AHNAK2: variants seen among roughly 807,000 people sequenced by gnomAD.
AHNAK2 encodes AHNAK nucleoprotein 2.
In AHNAK2, 18 loss-of-function variants were observed where a neutral mutation model predicts 30.7. The ratio of observed to expected loss-of-function variants is 0.59; its 90% CI spans 0.41 to 0.87. The LOEUF is 0.87. Ranked by LOEUF, AHNAK2 falls within the 40% of genes least tolerant of loss-of-function variation. The probability of loss-of-function intolerance (pLI) is 0.00; values close to 1 mark genes in which losing one functional copy is unlikely to be tolerated. For missense variants in AHNAK2, 8,604 were observed against 7,373.0 expected (o/e 1.17, Z -6.11); for synonymous variants, 3,590 against 3,073.8 (o/e 1.17, Z -5.56).
chr14:104,968,143 C>A (rs1015280437), intron 1 of AHNAK2, among the ~76,000 whole-genome samples: 1 of 152,172 alleles, frequency 6.6e-6, no homozygotes, highest in African/African-American at 2.4e-5. Context: ...ACTCCCCGGG[C>A]CCCCCAGCGC....
In AHNAK2 at chr14:104,947,227, G is replaced by A. The variant is rs780461489; in HGVS notation, c.8224C>T (p.Pro2742Ser). Reference protein sequence around the residue: ...PKLQMPSFKMPEVDLKGPQID... With the variant: ...PKLQMPSFKMSEVDLKGPQID... ...TGGGGGCCCTTGAGGTCCACTTCAG[G>A]CATCTTGAAACTGGGCATCTGCAGC... The change falls in exon 7 of 7, where the codon CCT becomes TCT. Residue 2742 changes from proline to serine, a missense_variant. Transcript: ENST00000333244. 2.5e-6 allele frequency: 4 copies of A among 1,611,736 alleles called. No individual in the cohort carries two copies. The highest frequency in any genetic ancestry group is 3.4e-6 in the Non-Finnish European group (4 of 1,179,448).
At position 104,945,747 on chromosome 14, in the gene AHNAK2, T is replaced by C. The variant is rs368948918; in HGVS notation, c.9704A>G (p.Lys3235Arg). The change falls in exon 7 of 7, where the codon AAG becomes AGG. Residue 3235 changes from lysine (K) to arginine (R), a missense_variant. Lys to Arg is a conservative substitution (Grantham distance 26, BLOSUM62 2). Transcript: ENST00000333244. ...GCCCTTGCGATCTACTTTGGGCATC[T>C]TGAAACTGGGCATCTGCAACTTGGG... ...HLPKLQMPSF[K>R]MPKVDRKGPQ... 113 of 1,597,630 alleles carry C rather than the reference T, an allele frequency of 7.1e-5. 1 individual carries two copies. The highest frequency in any genetic ancestry group is 9.0e-5 in the Non-Finnish European group (105 of 1,170,692).
Position 104,947,885 on chromosome 14 carries a change from C to A in AHNAK2, c.7566G>T (p.Met2522Ile). The change falls in exon 7 of 7, where the codon ATG becomes ATT. Residue 2522 changes from methionine (M) to isoleucine (I), a missense_variant. Transcript: ENST00000333244. ...KVEADGSLSS[M>I]QGDLKATDLS... ...GGTCAGTGGCCTTGAGGTCCCCCTGCATGGAGGAGAGGCTCCCGTCGGCCT... is the reference window on the plus strand; with the variant it reads ...GGTCAGTGGCCTTGAGGTCCCCCTGAATGGAGGAGAGGCTCCCGTCGGCCT... The A allele has an allele frequency of 6.2e-7, 1 of 1,612,846 alleles. No homozygotes were observed. Among genetic ancestry groups the A allele is most frequent in the Non-Finnish European group, 8.5e-7 (1 of 1,179,616 alleles).
At chr14:104,955,306 T>C (rs935210243) in intron 5 of AHNAK2, 165 bp from the exon 6 acceptor site, 1 of 1,278,020 alleles carries the variant, frequency 7.8e-7, no homozygotes, top group Non-Finnish European at 1.1e-6. Context: ...GCAAGGTGGA[T>C]GGGGTCCCCC....
At position 104,944,633 on chromosome 14, in the gene AHNAK2, C is replaced by T; in HGVS notation, c.10818G>A (p.Val3606=). 2 of 1,613,316 alleles carry T rather than the reference C, an allele frequency of 1.2e-6. No homozygotes were observed. The highest frequency in any genetic ancestry group is 1.7e-6 in the Non-Finnish European group (2 of 1,179,710). ...GCTTGGCCTTCGGGGCCTGGACATCCACCTCCACGCTGGGCAGAGACACCT... is the reference window on the plus strand; with the variant it reads ...GCTTGGCCTTCGGGGCCTGGACATCTACCTCCACGCTGGGCAGAGACACCT... ...DVEVSLPSVE[V]DVQAPKAKLD... Residue 3606 remains valine (V), a synonymous_variant, in exon 7 of 7, where the codon GTG becomes GTA. Transcript: ENST00000333244.
At position 104,966,157 on chromosome 14, in the gene AHNAK2, G is replaced by A. The variant is rs1275202957; in HGVS notation, c.56-8485C>T. Among the ~76,000 whole-genome samples the A allele has an allele frequency of 1.3e-5, 2 of 152,168 alleles. No homozygotes were observed. Among genetic ancestry groups the A allele is most frequent in the Non-Finnish European group, 2.9e-5 (2 of 68,018 alleles). On this transcript the variant is annotated intron_variant, in intron 1 of 6. Coordinates refer to ENST00000333244, the MANE Select transcript of AHNAK2 (RefSeq NM_138420.4). The surrounding 1 kb of genome is among the most constrained non-coding windows in gnomAD (Gnocchi z 4.3). Reference sequence around the variant, plus strand: ...TCTCAAGCGAAGGAAGAGAAGGGCAGGAGGTGAGGGCAGGCAGGGCTGGGT... The same window carrying A: ...TCTCAAGCGAAGGAAGAGAAGGGCAAGAGGTGAGGGCAGGCAGGGCTGGGT...
chr14:104,943,738 C>T lies in AHNAK2; in HGVS notation c.11713G>A (p.Glu3905Lys), dbSNP rs774536072. 3.1e-6 allele frequency: 5 copies of T among 1,609,088 alleles called. No homozygotes were observed. Among genetic ancestry groups the T allele is most frequent in the South Asian group, 2.2e-5 (2 of 90,760 alleles). ...KMPKVDLKGP[E>K]IDIKGPKLDL... ...AGCTTGGGGCCCTTGATGTCTATTT[C>T]AGGGCCCTTGAGGTCGACTTTGGGC... Residue 3905 changes from glutamate (E) to lysine (K), a missense_variant, in exon 7 of 7, where the codon GAA (glutamate) becomes AAA (lysine). By Grantham distance (56) the Glu-to-Lys change is moderately conservative (BLOSUM62 1). Transcript: ENST00000333244.
Position 104,948,808 on chromosome 14 carries a change from C to T in AHNAK2, c.6643G>A (p.Gly2215Ser), listed in dbSNP as rs372279497. The change falls in exon 7 of 7, where the codon GGC becomes AGC. Residue 2215 changes from glycine (G) to serine (S), a missense_variant. By Grantham distance (56) the Gly-to-Ser change is moderately conservative. Coordinates refer to ENST00000333244, the MANE Select transcript of AHNAK2 (RefSeq NM_138420.4). ...PLSADVKVQA[G>S]QVDVKLLEGP... Reference sequence around the variant, plus strand: ...TCCAGGAGTTTCACGTCCACCTGGCCAGCCTGGACCTTCACGTCGGCGGAA... The same window carrying T: ...TCCAGGAGTTTCACGTCCACCTGGCTAGCCTGGACCTTCACGTCGGCGGAA... 1.9e-5 allele frequency: 30 copies of T among 1,612,480 alleles called. No homozygotes were observed. The African/African-American group carries it at 3.4e-4, about 18-fold the overall frequency.
At chr14:104,957,218 TC>T (rs753737123) in intron 3 of AHNAK2, among the ~76,000 whole-genome samples, 191 bp downstream of exon 3, 3 of 152,090 alleles carry the variant, frequency 2.0e-5, no homozygotes, top group Non-Finnish European at 4.4e-5. Flanking sequence ...GGCACCTCCA[TC>T]CCACTGTGCC....
In AHNAK2 at chr14:104,942,542, G is replaced by C; in HGVS notation, c.12909C>G (p.Phe4303Leu). The change falls in exon 7 of 7, where the codon TTC (phenylalanine) becomes TTG (leucine). Residue 4303 changes from phenylalanine (F) to leucine (L), a missense_variant. Coordinates refer to ENST00000333244, the MANE Select transcript of AHNAK2 (RefSeq NM_138420.4). ...CAGACACCCCGAACGACGGCATCTT[G>C]AACTTGGGCATTTTGAACTTGCTGT... ...AKDSKFKMPK[F>L]KMPSFGVSAP... 6.2e-7 allele frequency: 1 copy of C among 1,613,088 alleles called. No homozygotes were observed. The highest frequency in any genetic ancestry group is 1.1e-5 in the South Asian group (1 of 91,056).
chr14:104,947,562 A>T lies in AHNAK2; in HGVS notation c.7889T>A (p.Leu2630Gln). 1 of 1,612,762 alleles carries T rather than the reference A, an allele frequency of 6.2e-7. No homozygotes were observed. Among genetic ancestry groups the T allele is most frequent in the Non-Finnish European group, 8.5e-7 (1 of 1,179,644 alleles). Residue 2630 changes from leucine to glutamine, a missense_variant, in exon 7 of 7, where the codon CTG becomes CAG. Transcript: ENST00000333244. ...GTCGGCCAGGGACAGGTCCCCCTCC[A>T]GCCGCGCACCATCCAGCTTTGCTCT... ...APRAKLDGAR[L>Q]EGDLSLADKG...
intron 1 of AHNAK2, among the ~76,000 whole-genome samples, chr14:104,963,068 A>C (rs1899194890): frequency 6.6e-6 from 1 of 152,236 alleles, no homozygotes; most frequent in Non-Finnish European, 1.5e-5. Flanking sequence ...AGAAAACGAA[A>C]AGGCAGTGAA....
In AHNAK2 at chr14:104,942,113, C is replaced by G; in HGVS notation, c.13338G>C (p.Glu4446Asp). 1.2e-6 allele frequency: 2 copies of G among 1,613,358 alleles called. No homozygotes were observed. The highest frequency in any genetic ancestry group is 1.6e-4 in the Middle Eastern group (1 of 6,062). The change falls in exon 7 of 7, where the codon GAG becomes GAC. Residue 4446 changes from glutamate to aspartate, a missense_variant. Transcript: ENST00000333244. ...PGAKLDSTRLEGDLSLADKDV... is the reference protein window; with the variant it reads ...PGAKLDSTRLDGDLSLADKDV... The stretch of plus-strand genomic sequence containing the variant: ...CCTTGTCAGCCAGGGACAGGTCCCC[C>G]TCCAGCCGCGTACTGTCCAGCTTGG...
chr14:104,971,064 GCCA>G (rs1899460059), intron 1 of AHNAK2, among the ~76,000 whole-genome samples: 1 of 152,152 alleles, frequency 6.6e-6, no homozygotes, highest in Non-Finnish European at 1.5e-5. Context: ...ACTCACAGCG[GCCA>G]CCACACCTCG....
chr14:104,976,835 A>T (rs1198721890), intron 1 of AHNAK2, among the ~76,000 whole-genome samples: 1 of 152,166 alleles, frequency 6.6e-6, no homozygotes, highest in African/African-American at 2.4e-5. Flanking sequence ...TAGTGGTCCC[A>T]TGCCTGGGGG....
At position 104,950,839 on chromosome 14, in the gene AHNAK2, C is replaced by A. The variant is rs116927691; in HGVS notation, c.4612G>T (p.Ala1538Ser). 1.3e-6 allele frequency: 2 copies of A among 1,578,846 alleles called. No individual in the cohort carries two copies. The highest frequency in any genetic ancestry group is 4.6e-5 in the East Asian group (2 of 43,520). ...SLPSMQGDLK[A>S]TDLSIQPPSA... ...GGGGGCTGTATGCTCAGGTCAGTGG[C>A]CTTGAGGTCCCCCTGCATGGAGGGG... The change falls in exon 7 of 7, where the codon GCC becomes TCC. Residue 1538 changes from alanine to serine, a missense_variant. Coordinates refer to ENST00000333244, the MANE Select transcript of AHNAK2 (RefSeq NM_138420.4).
rs755901685 is a variant in AHNAK2, at chr14:104,947,420, C to A, written c.8031G>T (p.Lys2677Asn). Residue 2677 changes from lysine to asparagine, a missense_variant, in exon 7 of 7, where the codon AAG becomes AAT. Transcript: ENST00000333244. ...AGGGGAGGCTCATGTCGGCTTCCAC[C>A]TTCAGCTCAGACACATCCACCAACG... The part of the protein sequence containing the change: ...IEALVDVSEL[K>N]VEADMSLPSM... 6.2e-7 allele frequency: 1 copy of A among 1,611,944 alleles called. No individual in the cohort carries two copies. Among genetic ancestry groups the A allele is most frequent in the East Asian group, 2.2e-5 (1 of 44,726 alleles).
chr14:104,951,642 C>T lies in AHNAK2; in HGVS notation c.3809G>A (p.Gly1270Asp), dbSNP rs1328958004. The change falls in exon 7 of 7, where the codon GGC (glycine) becomes GAC (aspartate). Residue 1270 changes from glycine (G) to aspartate (D), a missense_variant. Physicochemically the swap from Gly to Asp is moderately conservative, Grantham distance 94. Coordinates refer to ENST00000333244, the MANE Select transcript of AHNAK2 (RefSeq NM_138420.4). ...DLKGPQVEVR[G>D]PKLDLKGHKA... ...ATGACCTTTCAGGTCCAGCTTGGGG[C>T]CCCTGACTTCCACCTGGGGGCCCTT... The T allele has an allele frequency of 4.0e-6, 5 of 1,246,844 alleles. 1 individual carries two copies. Among genetic ancestry groups the T allele is most frequent in the African/African-American group, 2.8e-5 (2 of 70,664 alleles). The allele number at this position is 1,246,844 out of a possible 1,614,324, so 77.2% of individuals were successfully genotyped here. A position where few individuals can be genotyped will look rare whatever the true frequency, so the allele number is the denominator to read the frequency against.
In AHNAK2 at chr14:104,957,467, C is replaced by A; in HGVS notation, c.156G>T (p.Pro52=). The change falls in exon 3 of 7, where the codon CCG becomes CCT. Residue 52 remains proline, a synonymous_variant. Coordinates refer to ENST00000333244, the MANE Select transcript of AHNAK2 (RefSeq NM_138420.4). ...GPADEGIRPR[P]QGSSPVYEYT... is the part of the protein sequence containing the mutation. ...ATTCGTAGACAGGTGAAGACCCCTGCGGCCGTGGTCGAATGCCCTCATCCG... is the reference window on the plus strand; with the variant it reads ...ATTCGTAGACAGGTGAAGACCCCTGAGGCCGTGGTCGAATGCCCTCATCCG... 1 of 1,602,060 alleles carries A rather than the reference C, an allele frequency of 6.2e-7. No homozygotes were observed. The highest frequency in any genetic ancestry group is 8.5e-7 in the Non-Finnish European group (1 of 1,172,322).
Sources: gnomAD v4.1 joint callset for allele counts (sites outside exome capture counted in the v4.1 genomes callset) on GRCh38, gnomAD v4.1.1 for gene constraint, Gnocchi (gnomAD v3.1) non-coding constraint, MANE v1.5 for transcripts, NCBI Gene and HGNC (gene_info 2026-07-23, HGNC 2026-07-21) for gene names.